The following SLC13A1 variants were observed in gnomAD, a reference collection of about 807,000 sequenced individuals.
SLC13A1 encodes the protein Na(+)/sulfate cotransporter.
SLC13A1 carries 65 observed loss-of-function variants against 70.0 expected under a neutral mutation model. The observed-to-expected ratio is 0.93, with a 90% CI of 0.76 to 1.14. SLC13A1 has a LOEUF of 1.14. Ranked by LOEUF, SLC13A1 falls within the 50% of genes most tolerant of loss-of-function variation. The pLI is 0.00. For missense variants in SLC13A1, 726 were observed against 717.8 expected, an observed-to-expected ratio of 1.01 and a Z score of -0.13; for synonymous variants, 275 against 250.5, an observed-to-expected ratio of 1.10 and a Z score of -0.92.
chr7:123,145,791 C>T (rs959496889), intron 7 of SLC13A1, among the ~76,000 whole-genome samples: 10 of 152,094 alleles, frequency 6.6e-5, no homozygotes, highest in Non-Finnish European at 7.4e-5. Flanking sequence ...TACCAGTGTT[C>T]GTTGAACACA....
chr7:123,182,581 C>A (rs1412499997), intron 1 of SLC13A1, among the ~76,000 whole-genome samples: 1 of 152,034 alleles, frequency 6.6e-6, no homozygotes, highest in Non-Finnish European at 1.5e-5. Context: ...GTCTAGCCAC[C>A]CTGACAACTA....
intron 1 of SLC13A1, among the ~76,000 whole-genome samples, chr7:123,187,757 T>C (rs1563355858): frequency 6.6e-6 from 1 of 152,250 alleles, no homozygotes; most frequent in African/African-American, 2.4e-5. Context: ...AGATTTATTG[T>C]TACTTCATTT....
chr7:123,191,657 C>G (rs1434496094), intron 1 of SLC13A1, among the ~76,000 whole-genome samples: 1 of 152,108 alleles, frequency 6.6e-6, no homozygotes. Flanking sequence ...GCAAGTAATA[C>G]TCATGAATGC....
intron 7 of SLC13A1, 150 bp downstream of exon 7, chr7:123,147,009 A>G (rs1794376537): frequency 7.1e-6 from 5 of 707,922 alleles, no homozygotes; most frequent in Non-Finnish European, 1.1e-5. Context: ...GTATAAAGGA[A>G]GGTCTGTAGA....
intron 1 of SLC13A1, chr7:123,186,575 C>A: frequency 7.0e-6 from 2 of 284,688 alleles, no homozygotes; most frequent in South Asian, 3.1e-5. Flanking sequence ...AATTGTTTAC[C>A]ACCATTACAC....
intron 6 of SLC13A1, among the ~76,000 whole-genome samples, chr7:123,156,970 G>C (rs2116475030): frequency 6.6e-6 from 1 of 152,102 alleles, no homozygotes; most frequent in Non-Finnish European, 1.5e-5. Context: ...ATGCTCTCTT[G>C]GATGCCACTG....
At chr7:123,159,122 C>T (rs1055156175) in intron 6 of SLC13A1, among the ~76,000 whole-genome samples, 50 of 151,738 alleles carry the variant, frequency 3.3e-4, no homozygotes, top group African/African-American at 8.0e-4. Context: ...AAATAGAAAG[C>T]GATGGTCTAA....
chr7:123,192,491 C>G (rs1484969925), intron 1 of SLC13A1, among the ~76,000 whole-genome samples: 3 of 152,104 alleles, frequency 2.0e-5, no homozygotes, highest in African/African-American at 7.2e-5. Flanking sequence ...GTTTTTTCAT[C>G]TCTTCTGCTT....
intron 7 of SLC13A1, among the ~76,000 whole-genome samples, chr7:123,144,241 T>C (rs1423609076): frequency 6.6e-6 from 1 of 152,016 alleles, no homozygotes; most frequent in Non-Finnish European, 1.5e-5. Flanking sequence ...AGGGCAGGGA[T>C]AGAGATAAAA....
intron 1 of SLC13A1, among the ~76,000 whole-genome samples, chr7:123,194,503 G>C (rs1796111027): frequency 6.6e-6 from 1 of 152,088 alleles, no homozygotes. Context: ...TAGGCAAAAA[G>C]GAACCATTGA....
At chr7:123,160,271 A>C (rs1254084864) in intron 6 of SLC13A1, among the ~76,000 whole-genome samples, 150 of 137,392 alleles carry the variant, frequency 1.1e-3, no homozygotes, top group African/African-American at 4.1e-3. Flanking sequence ...ACTCAGTCTC[A>C]AAAAAAAAAA....
chr7:123,152,844 T>C (rs1283889997), intron 6 of SLC13A1, among the ~76,000 whole-genome samples: 1 of 152,114 alleles, frequency 6.6e-6, no homozygotes, highest in Non-Finnish European at 1.5e-5. Context: ...ATAAGTGGTA[T>C]GTAAATAAGA....
At chr7:123,168,943 T>C (rs1383008921) in intron 4 of SLC13A1, among the ~76,000 whole-genome samples, 1 of 152,228 alleles carries the variant, frequency 6.6e-6, no homozygotes. Flanking sequence ...ATTCTTCTTT[T>C]TGCAAGCAAA....
chr7:123,179,035 A>G (rs1795551159), intron 2 of SLC13A1, among the ~76,000 whole-genome samples: 1 of 152,148 alleles, frequency 6.6e-6, no homozygotes, highest in Non-Finnish European at 1.5e-5. Context: ...AGTTTCAGGA[A>G]GAAAAAGAAG....
chr7:123,199,174 G>A (rs990108285), intron 1 of SLC13A1, among the ~76,000 whole-genome samples: 4 of 152,086 alleles, frequency 2.6e-5, no homozygotes, highest in African/African-American at 9.7e-5. Context: ...ATTTTACCAA[G>A]AAATTAAACA....
In SLC13A1 at chr7:123,117,543, T is replaced by C; in HGVS notation, c.1578A>G (p.Ala526=). The part of the protein sequence containing the change: ...LIPSTLCTSF[A]FLLPVANPPN... ...GTGGATTTGCTACTGGTAGGAGGAA[T>C]GCAAATGAAGTACACAGAGTAGAAG... The change falls in exon 14 of 15, where the codon GCA becomes GCG. Residue 526 remains alanine (A), a synonymous_variant. Transcript: ENST00000194130. The C allele has an allele frequency of 1.2e-6, 2 of 1,611,504 alleles. No homozygotes were observed. The highest frequency in any genetic ancestry group is 1.7e-6 in the Non-Finnish European group (2 of 1,178,042).
chr7:123,138,617 T>C (rs1465354210), intron 7 of SLC13A1, among the ~76,000 whole-genome samples: 1 of 152,158 alleles, frequency 6.6e-6, no homozygotes, highest in Non-Finnish European at 1.5e-5. Context: ...CCATTTTACC[T>C]GGGGTGAGAT....
chr7:123,173,125 T>C (rs1030680444), intron 2 of SLC13A1, among the ~76,000 whole-genome samples: 3 of 151,966 alleles, frequency 2.0e-5, no homozygotes, highest in African/African-American at 7.2e-5. Flanking sequence ...CAATAGCTAA[T>C]AGAAGGAATG....
In SLC13A1 at chr7:123,115,576, A is replaced by G. The variant is rs754258665; in HGVS notation, c.1730T>C (p.Phe577Ser). Residue 577 changes from phenylalanine to serine, a missense_variant, in exon 15 of 15, where the codon TTT (phenylalanine) becomes TCT (serine). By Grantham distance (155) the Phe-to-Ser change is radical. Transcript: ENST00000194130. The part of the protein sequence containing the change: ...LGICTWIVPM[F>S]DLYTYPSWAP... ...CCACGAAGGGTAAGTGTAGAGGTCAAACATGGGTACAATCCAAGTACATAT... is the reference window on the plus strand; with the variant it reads ...CCACGAAGGGTAAGTGTAGAGGTCAGACATGGGTACAATCCAAGTACATAT... 6.2e-7 allele frequency: 1 copy of G among 1,613,938 alleles called. No homozygotes were observed. The highest frequency in any genetic ancestry group is 1.1e-5 in the South Asian group (1 of 91,070).
Sources: gnomAD v4.1 joint callset for allele counts (sites outside exome capture counted in the v4.1 genomes callset) on GRCh38, gnomAD v4.1.1 for gene constraint, MANE v1.5 for transcripts, NCBI Gene and HGNC (gene_info 2026-07-23, HGNC 2026-07-21) for gene names.